Variants in XYLB observed in about 807,000 individuals in gnomAD.
The protein encoded by XYLB is xylulokinase.
In XYLB, 62 loss-of-function variants were observed where a neutral mutation model predicts 78.7. The ratio of observed to expected loss-of-function variants is 0.79; its 90% CI spans 0.64 to 0.97. XYLB has a LOEUF of 0.97. Ranked by LOEUF, XYLB falls within the 50% of genes least tolerant of loss-of-function variation. The pLI is 0.00. For missense variants in XYLB, 687 were observed against 676.8 expected (o/e 1.02, Z -0.17); for synonymous variants, 245 against 247.4 (o/e 0.99, Z 0.09).
chr3:38,395,763 A>G (rs1429517490), intron 16 of XYLB, among the ~76,000 whole-genome samples, 200 bp downstream of exon 16: 3 of 152,114 alleles, frequency 2.0e-5, no homozygotes, highest in Admixed American at 1.3e-4. Flanking sequence ...GGTGAATTCT[A>G]TGGCTGTGTA....
At chr3:38,410,106 A>G (rs1708509972) in intron 18 of XYLB, among the ~76,000 whole-genome samples, 1 of 152,244 alleles carries the variant, frequency 6.6e-6, no homozygotes, top group Non-Finnish European at 1.5e-5. Context: ...ACAAAGCTGG[A>G]GGCATCATGC....
intron 15 of XYLB, among the ~76,000 whole-genome samples, chr3:38,388,830 ACT>A (rs1707511528): frequency 6.6e-6 from 1 of 152,136 alleles, no homozygotes; most frequent in African/African-American, 2.4e-5. Context: ...TCTAAAGAGG[ACT>A]ATTTTGGGAC....
the XYLB span, among the ~76,000 whole-genome samples, chr3:38,433,229 T>C: frequency 1.3e-5 from 2 of 152,222 alleles, no homozygotes; most frequent in Non-Finnish European, 2.9e-5. Flanking sequence ...AGCTGGGATG[T>C]AAGGCACCAA....
intron 15 of XYLB, among the ~76,000 whole-genome samples, chr3:38,388,792 T>C (rs1326378763): frequency 6.6e-6 from 1 of 152,226 alleles, no homozygotes; most frequent in African/African-American, 2.4e-5. Flanking sequence ...TTTATTCTTT[T>C]AATTAGGGCT....
At chr3:38,448,461 A>C in the XYLB span, among the ~76,000 whole-genome samples, 1 of 152,202 alleles carries the variant, frequency 6.6e-6, no homozygotes, top group South Asian at 2.1e-4. Context: ...ACCTGTAAAA[A>C]TCAAATTAAA....
At chr3:38,430,072 G>A in the XYLB span, among the ~76,000 whole-genome samples, 5 of 152,204 alleles carry the variant, frequency 3.3e-5, no homozygotes, top group Non-Finnish European at 5.9e-5. Flanking sequence ...TATATACCCA[G>A]TAATAGGATC....
At chr3:38,357,582 T>G (rs1705725951) in intron 2 of XYLB, among the ~76,000 whole-genome samples, 2 of 152,176 alleles carry the variant, frequency 1.3e-5, no homozygotes, top group African/African-American at 4.8e-5. Context: ...GAGATGGGGT[T>G]TCACCGTGTT....
At chr3:38,423,682 T>C (rs995239320), downstream of XYLB, among the ~76,000 whole-genome samples, 3 of 152,374 alleles carry the variant, frequency 2.0e-5, no homozygotes, top group African/African-American at 7.2e-5. Flanking sequence ...GTCAGACTTA[T>C]GTAGGACAAG....
At chr3:38,388,379 G>C (rs1270258620) in intron 15 of XYLB, among the ~76,000 whole-genome samples, 1 of 151,872 alleles carries the variant, frequency 6.6e-6, no homozygotes, top group Non-Finnish European at 1.5e-5. Flanking sequence ...AGAGATTTTA[G>C]GTGTTCTCAC....
At position 38,412,944 on chromosome 3, in the gene XYLB, G is replaced by A; in HGVS notation, c.1542G>A (p.Glu514=). ...TTTTTCTGCCCTTCTAGGTCTACGAGGCCCTTCTCCCCCAGTATGCCAAAC... is the reference window on the plus strand; with the variant it reads ...TTTTTCTGCCCTTCTAGGTCTACGAAGCCCTTCTCCCCCAGTATGCCAAAC... ...TPSPGASQVY[E]ALLPQYAKLE... The change falls in exon 19 of 19, where the codon GAG becomes GAA. Residue 514 remains glutamate (E), a synonymous_variant. Coordinates refer to ENST00000207870, the MANE Select transcript of XYLB (RefSeq NM_005108.4). 3 of 1,602,186 alleles carry A rather than the reference G, an allele frequency of 1.9e-6. No homozygotes were observed. The highest frequency in any genetic ancestry group is 2.6e-6 in the Non-Finnish European group (3 of 1,174,906).
At chr3:38,375,082 T>C in intron 11 of XYLB, 62 bp from the exon 12 acceptor site, 1 of 1,374,076 alleles carries the variant, frequency 7.3e-7, no homozygotes, top group Non-Finnish European at 1.0e-6. Context: ...AGCGCGTCGC[T>C]GGCAGAGGGC....
chr3:38,392,870 T>C (rs889061359), intron 15 of XYLB, among the ~76,000 whole-genome samples: 4 of 152,196 alleles, frequency 2.6e-5, no homozygotes, highest in African/African-American at 9.7e-5. Context: ...TTTGAGATAT[T>C]GTTTAAGAGA....
chr3:38,401,111 T>C, intron 18 of XYLB, 126 bp downstream of exon 18: 1 of 807,622 alleles, frequency 1.2e-6, no homozygotes, highest in Non-Finnish European at 2.0e-6. Context: ...TTCTGCTTTA[T>C]TGAAATTATC....
chr3:38,351,301 T>C (rs1705351706), intron 2 of XYLB, among the ~76,000 whole-genome samples: 2 of 151,978 alleles, frequency 1.3e-5, no homozygotes, highest in South Asian at 4.2e-4. Context: ...CCTATATGAC[T>C]TCTAGTCTTT....
intron 2 of XYLB, among the ~76,000 whole-genome samples, chr3:38,357,443 G>A (rs1705715588): frequency 6.6e-6 from 1 of 150,426 alleles, no homozygotes; most frequent in Non-Finnish European, 1.5e-5. Context: ...CTGGAGTGCA[G>A]TGGCGTGATC....
intron 12 of XYLB, among the ~76,000 whole-genome samples, chr3:38,375,910 G>A (rs1706828743): frequency 6.6e-6 from 1 of 152,180 alleles, no homozygotes; most frequent in African/African-American, 2.4e-5. Flanking sequence ...CAAGACAAGG[G>A]CGTTTCCGGC....
intron 2 of XYLB, among the ~76,000 whole-genome samples, chr3:38,352,871 G>A (rs555764350): frequency 4.6e-5 from 7 of 152,224 alleles, no homozygotes; most frequent in East Asian, 1.9e-4. Flanking sequence ...GAGAAGGGAC[G>A]GAGAGGAGAG....
chr3:38,391,532 T>C (rs1707656073), intron 15 of XYLB, among the ~76,000 whole-genome samples: 1 of 152,246 alleles, frequency 6.6e-6, no homozygotes, highest in Non-Finnish European at 1.5e-5. Flanking sequence ...TGTGCATAGA[T>C]AGCTATTAGC....
the XYLB span, among the ~76,000 whole-genome samples, chr3:38,442,274 G>A: frequency 6.6e-6 from 1 of 152,192 alleles, no homozygotes; most frequent in Non-Finnish European, 1.5e-5. Flanking sequence ...TAGCTAGAAA[G>A]TTTAAGAGAC....
Sources: gnomAD v4.1 joint callset for allele counts (sites outside exome capture counted in the v4.1 genomes callset) on GRCh38, gnomAD v4.1.1 for gene constraint, MANE v1.5 for transcripts, NCBI Gene and HGNC (gene_info 2026-07-23, HGNC 2026-07-21) for gene names.